Variants in KCNN3 observed in about 807,000 individuals in gnomAD.
The protein encoded by KCNN3 is potassium calcium-activated channel subfamily N member 3, also known as small conductance calcium-activated potassium channel protein 3.
KCNN3 carries 16 observed loss-of-function variants against 62.9 expected under a neutral mutation model. The observed-to-expected ratio is 0.25, with a 90% CI of 0.17 to 0.39. The LOEUF is 0.39. Ranked by LOEUF, KCNN3 falls within the 10% of genes least tolerant of loss-of-function variation. The pLI, the probability that KCNN3 is intolerant of heterozygous loss-of-function variation, is 1.00. For missense variants in KCNN3, 599 were observed against 949.4 expected (o/e 0.63, Z 4.85); for synonymous variants, 370 against 389.2 (o/e 0.95, Z 0.58).
intron 3 of KCNN3, among the ~76,000 whole-genome samples, chr1:154,753,237 T>C (rs1360231941): frequency 6.6e-6 from 1 of 152,098 alleles, no homozygotes; most frequent in Non-Finnish European, 1.5e-5. Context: ...ATACATTTTC[T>C]CCAAAAAAGT....
intron 2 of KCNN3, among the ~76,000 whole-genome samples, chr1:154,803,298 G>T (rs543312122): frequency 6.6e-6 from 1 of 152,336 alleles, no homozygotes; most frequent in South Asian, 2.1e-4. Context: ...CCAGGCTACT[G>T]TAAACATTTT....
chr1:154,844,681 G>A (rs999068511), intron 1 of KCNN3, among the ~76,000 whole-genome samples: 11 of 152,032 alleles, frequency 7.2e-5, no homozygotes, highest in Non-Finnish European at 1.5e-4. Context: ...CGGGTTGGAA[G>A]GGCCACATTT....
intron 1 of KCNN3, among the ~76,000 whole-genome samples, chr1:154,834,992 C>T (rs1456709141): frequency 6.6e-6 from 1 of 152,208 alleles, no homozygotes; most frequent in Non-Finnish European, 1.5e-5. Flanking sequence ...AACTCCCGGT[C>T]CTGACCAGCT....
chr1:154,772,538 A>G lies in KCNN3; in HGVS notation c.1030-145T>C, dbSNP rs1290464934. The G allele has an allele frequency of 2.4e-5, 18 of 755,748 alleles. No individual in the cohort carries two copies. The highest frequency in any genetic ancestry group is 2.3e-5 in the Non-Finnish European group (10 of 436,696). The allele number at this position is 755,748 out of a possible 1,614,324, so 46.8% of individuals were successfully genotyped here. ...CAGCATGCTCTTTAGGGGCCTTGCT[A>G]TGTGGCAAGAGCCCTGTATGTGGAG... is the stretch of plus-strand genomic sequence containing the variant. On this transcript the variant is annotated intron_variant, in intron 2 of 7. Coordinates refer to ENST00000271915, the MANE Select transcript of KCNN3 (RefSeq NM_002249.6). This position sits in a 1 kb window ranked among gnomAD's most constrained non-coding sequence, Gnocchi z 5.6.
intron 3 of KCNN3, among the ~76,000 whole-genome samples, chr1:154,749,620 C>T (rs568889420): frequency 6.6e-6 from 1 of 152,002 alleles, no homozygotes; most frequent in Non-Finnish European, 1.5e-5. Flanking sequence ...GACGTCAGGG[C>T]GAGTGGGAAG....
At chr1:154,748,387 C>A (rs374958223) in intron 3 of KCNN3, among the ~76,000 whole-genome samples, 46 of 152,246 alleles carry the variant, frequency 3.0e-4, no homozygotes, top group South Asian at 2.5e-3. Flanking sequence ...CACAGTTCAT[C>A]GTTTTTTATA....
intron 1 of KCNN3, among the ~76,000 whole-genome samples, chr1:154,855,194 G>A (rs1370713046): frequency 6.6e-6 from 1 of 151,230 alleles, no homozygotes; most frequent in African/African-American, 2.4e-5. Context: ...CTCCAGCCTG[G>A]GCTACAGAGT....
At chr1:154,731,293 G>A (rs186266691) in intron 4 of KCNN3, among the ~76,000 whole-genome samples, 1 of 152,342 alleles carries the variant, frequency 6.6e-6, no homozygotes, top group East Asian at 1.9e-4. Context: ...CTAACCGATG[G>A]GAGGTATTTG....
chr1:154,765,312 GA>G (rs1164801981), intron 3 of KCNN3, among the ~76,000 whole-genome samples: 2 of 152,032 alleles, frequency 1.3e-5, no homozygotes, highest in Admixed American at 6.5e-5. Flanking sequence ...TTCTTCCTCT[GA>G]AATAACTCTA....
At chr1:154,745,298 A>G (rs796851057) in intron 3 of KCNN3, among the ~76,000 whole-genome samples, 3 of 152,384 alleles carry the variant, frequency 2.0e-5, no homozygotes, top group African/African-American at 4.8e-5. Flanking sequence ...CCACCAGAGC[A>G]CAATGGCTCC....
At chr1:154,729,144 G>C (rs1371037375) in intron 4 of KCNN3, among the ~76,000 whole-genome samples, 3 of 152,194 alleles carry the variant, frequency 2.0e-5, no homozygotes, top group Non-Finnish European at 4.4e-5. Context: ...GTGGGTAGAG[G>C]GGGTGTGTGA....
At chr1:154,755,795 G>GAGA (rs1647646329) in intron 3 of KCNN3, among the ~76,000 whole-genome samples, 1 of 148,104 alleles carries the variant, frequency 6.8e-6, no homozygotes, top group Admixed American at 6.7e-5. Flanking sequence ...AGGGGAGGAG[G>GAGA]AGGAGGAAGA....
chr1:154,742,438 T>C (rs1262473471), intron 3 of KCNN3, among the ~76,000 whole-genome samples: 4 of 152,174 alleles, frequency 2.6e-5, no homozygotes, highest in Non-Finnish European at 5.9e-5. Context: ...TCCTCAGTCT[T>C]CCCACCTGTA....
At chr1:154,853,796 T>C (rs1377745301) in intron 1 of KCNN3, among the ~76,000 whole-genome samples, 1 of 151,274 alleles carries the variant, frequency 6.6e-6, no homozygotes, top group African/African-American at 2.4e-5. Flanking sequence ...ATACAAAAAT[T>C]AACTGGGCAT....
intron 1 of KCNN3, among the ~76,000 whole-genome samples, chr1:154,858,101 C>A (rs867050141): frequency 1.3e-5 from 2 of 152,172 alleles, no homozygotes; most frequent in African/African-American, 4.8e-5. Flanking sequence ...ATAGTGTGCA[C>A]CCCGTCAGGT....
intron 1 of KCNN3, among the ~76,000 whole-genome samples, chr1:154,844,198 C>T (rs1419238458): frequency 6.6e-6 from 1 of 152,258 alleles, no homozygotes; most frequent in East Asian, 1.9e-4. Flanking sequence ...AATCAAGTGA[C>T]TACACAGATT....
chr1:154,851,228 C>T (rs1469439143), intron 1 of KCNN3, among the ~76,000 whole-genome samples: 2 of 152,170 alleles, frequency 1.3e-5, no homozygotes, highest in Non-Finnish European at 1.5e-5. Flanking sequence ...CCACCCGCCT[C>T]GGCCTCCCAA....
intron 7 of KCNN3, among the ~76,000 whole-genome samples, chr1:154,711,857 G>A (rs561062436): frequency 6.6e-6 from 1 of 152,134 alleles, no homozygotes; most frequent in Non-Finnish European, 1.5e-5. Flanking sequence ...GCCTGTTACA[G>A]TCTGTCGCGG....
chr1:154,808,633 A>T (rs1288147997), intron 2 of KCNN3, among the ~76,000 whole-genome samples: 1 of 152,094 alleles, frequency 6.6e-6, no homozygotes, highest in Non-Finnish European at 1.5e-5. Context: ...TGCTGAATGA[A>T]TTAATCACCT....
Sources: gnomAD v4.1 joint callset for allele counts (sites outside exome capture counted in the v4.1 genomes callset) on GRCh38, gnomAD v4.1.1 for gene constraint, Gnocchi (gnomAD v3.1) non-coding constraint, MANE v1.5 for transcripts, NCBI Gene and HGNC (gene_info 2026-07-23, HGNC 2026-07-21) for gene names.